Variants in PCDH9 observed in about 807,000 individuals in gnomAD.
The protein encoded by PCDH9 is protocadherin 9, also known as protocadherin-9.
Under a neutral mutation model 70.6 loss-of-function variants are expected in PCDH9, and 24 were observed. That is an observed-to-expected ratio of 0.34 (90% confidence interval 0.25 to 0.48). PCDH9 has a LOEUF of 0.48. PCDH9 is among the 20% of genes least tolerant of loss of function. PCDH9 has a pLI of 0.99. For missense variants in PCDH9, 1,281 were observed against 1,503.6 expected, an observed-to-expected ratio of 0.85 and a Z score of 2.45; for synonymous variants, 562 against 558.5, an observed-to-expected ratio of 1.01 and a Z score of -0.09.
intron 4 of PCDH9, among the ~76,000 whole-genome samples, chr13:66,475,018 TA>T (rs1203431449): frequency 6.6e-6 from 1 of 152,118 alleles, no homozygotes; most frequent in Non-Finnish European, 1.5e-5. Flanking sequence ...ATAGATAGGT[TA>T]AAAATATATA....
chr13:67,000,359 A>G (rs995224398), intron 2 of PCDH9, among the ~76,000 whole-genome samples: 1 of 150,494 alleles, frequency 6.6e-6, no homozygotes, highest in African/African-American at 2.5e-5. Flanking sequence ...GAGGGATAGC[A>G]CTAGGAGATA....
intron 2 of PCDH9, among the ~76,000 whole-genome samples, chr13:67,003,237 ATTATG>A (rs1272371581): frequency 1.3e-5 from 2 of 152,150 alleles, no homozygotes; most frequent in African/African-American, 4.8e-5. Context: ...TGATGAAAGT[ATTATG>A]TTATATGTCA....
intron 2 of PCDH9, among the ~76,000 whole-genome samples, chr13:66,924,171 A>C (rs1566296132): frequency 6.6e-6 from 1 of 151,772 alleles, no homozygotes; most frequent in Non-Finnish European, 1.5e-5. Context: ...TGTAATTTGT[A>C]AACCCCTCTT....
Position 66,502,707 on chromosome 13 carries a change from T to G in PCDH9, c.3340+128503A>C, listed in dbSNP as rs556145996. 2.6e-5 allele frequency among the ~76,000 whole-genome samples: 4 copies of G among 152,256 alleles called. No homozygotes were observed. In the East Asian group the frequency reaches 7.7e-4, roughly 29 times the overall value. On this transcript the variant is annotated intron_variant, in intron 4 of 4. Coordinates refer to ENST00000377865, the MANE Select transcript of PCDH9 (RefSeq NM_203487.3). The stretch of plus-strand genomic sequence containing the variant: ...GTGCTCATGACAATTGGTAGAAATA[T>G]TAATAGGGTAAAAATCCCACTCTAA...
chr13:66,687,755 C>T (rs1192246829), intron 3 of PCDH9, among the ~76,000 whole-genome samples: 1 of 152,070 alleles, frequency 6.6e-6, no homozygotes, highest in African/African-American at 2.4e-5. Context: ...CTGACACCAC[C>T]ATTTCCAAAA....
chr13:66,794,785 A>G (rs2080214331), intron 3 of PCDH9, among the ~76,000 whole-genome samples: 1 of 152,124 alleles, frequency 6.6e-6, no homozygotes, highest in African/African-American at 2.4e-5. Flanking sequence ...GTGAAACAAT[A>G]TAAGATCTTT....
At chr13:67,116,891 C>T (rs774460095) in intron 2 of PCDH9, among the ~76,000 whole-genome samples, 41 of 152,108 alleles carry the variant, frequency 2.7e-4, no homozygotes, top group Non-Finnish European at 5.1e-4. Context: ...TATATTGTCC[C>T]CTCATTATTA....
intron 4 of PCDH9, among the ~76,000 whole-genome samples, chr13:66,355,953 T>G (rs1214523581): frequency 6.6e-6 from 1 of 152,124 alleles, no homozygotes; most frequent in African/African-American, 2.4e-5. Context: ...CCTTTAGGTG[T>G]CTACCCCAAA....
intron 3 of PCDH9, among the ~76,000 whole-genome samples, chr13:66,852,622 T>A (rs1446458563): frequency 6.6e-6 from 1 of 152,172 alleles, no homozygotes; most frequent in Middle Eastern, 3.2e-3. Context: ...ATCTTCCTAA[T>A]AAGGTGATCA....
At chr13:67,172,157 C>T (rs2088304395) in intron 2 of PCDH9, among the ~76,000 whole-genome samples, 1 of 152,172 alleles carries the variant, frequency 6.6e-6, no homozygotes, top group Non-Finnish European at 1.5e-5. Flanking sequence ...GGTACTATTT[C>T]AGGCACCCTT....
At chr13:66,487,571 T>C (rs1012594048) in intron 4 of PCDH9, among the ~76,000 whole-genome samples, 13 of 152,308 alleles carry the variant, frequency 8.5e-5, no homozygotes, top group Non-Finnish European at 1.9e-4. Context: ...GTCCATATAA[T>C]ATTCCATAAT....
intron 3 of PCDH9, among the ~76,000 whole-genome samples, chr13:66,632,609 C>G (rs531821992): frequency 6.6e-6 from 1 of 152,194 alleles, no homozygotes; most frequent in East Asian, 1.9e-4. Context: ...AAAAATAATA[C>G]ATTTTAATGT....
chr13:66,461,197 C>T (rs1002749025), intron 4 of PCDH9, among the ~76,000 whole-genome samples: 15 of 151,734 alleles, frequency 9.9e-5, no homozygotes, highest in Non-Finnish European at 2.1e-4. Flanking sequence ...GACTCATATA[C>T]TTCTTTAGTT....
intron 3 of PCDH9, among the ~76,000 whole-genome samples, chr13:66,723,087 A>T (rs1266821287): frequency 1.3e-5 from 2 of 152,092 alleles, no homozygotes; most frequent in African/African-American, 4.8e-5. Flanking sequence ...TAATATAATA[A>T]ATCCTCCCAC....
At chr13:66,871,155 G>A (rs11148729) in intron 3 of PCDH9, among the ~76,000 whole-genome samples, 47,596 of 149,476 alleles carry the variant, frequency 0.32, 8,612 homozygotes, top group East Asian at 0.51. Flanking sequence ...ACCAAGCACC[G>A]CATATTCTCA....
intron 4 of PCDH9, among the ~76,000 whole-genome samples, chr13:66,419,763 G>GA (rs1957529252): frequency 7.0e-6 from 1 of 142,306 alleles, no homozygotes; most frequent in Non-Finnish European, 1.5e-5. Context: ...AGCTGCAGGA[G>GA]TTTTTTTTTT....
chr13:66,729,384 G>A (rs1185453753), intron 3 of PCDH9, among the ~76,000 whole-genome samples: 1 of 152,092 alleles, frequency 6.6e-6, no homozygotes, highest in Non-Finnish European at 1.5e-5. Context: ...TTTTAGTCAT[G>A]TGCATCTATA....
rs2076835614 is a variant in PCDH9 at position 66,577,786 on chromosome 13, TTTGA to T, written c.3340+53420_3340+53423del. ...TTTTCAGAGTTATGGATTTTAGCAC[TTTGA>T]CTGAGGATTCAGATGCTCAGCAAAC... is the stretch of plus-strand genomic sequence containing the variant. On this transcript the variant is annotated intron_variant, in intron 4 of 4. Transcript: ENST00000377865. Among the ~76,000 whole-genome samples the T allele has an allele frequency of 2.0e-5, 3 of 152,030 alleles. 1 individual carries two copies. In the South Asian group the frequency reaches 6.2e-4, roughly 32 times the overall value.
chr13:66,445,627 A>G (rs1220588865), intron 4 of PCDH9, among the ~76,000 whole-genome samples: 1 of 139,222 alleles, frequency 7.2e-6, no homozygotes, highest in Non-Finnish European at 1.5e-5. Context: ...ATACACATAT[A>G]TATTATATAC....
Sources: allele counts gnomAD v4.1 joint callset (sites outside exome capture counted in the v4.1 genomes callset), GRCh38; gene constraint gnomAD v4.1.1; transcripts MANE v1.5; gene names NCBI Gene and HGNC (gene_info 2026-07-23, HGNC 2026-07-21).